Variants in CD4 observed in about 807,000 individuals in gnomAD.
CD4 encodes the protein CD4 molecule.
In CD4, 25 loss-of-function variants were observed where a neutral mutation model predicts 50.5. The observed-to-expected ratio is 0.49, with a 90% CI of 0.36 to 0.69. The LOEUF is 0.69. CD4 is among the 30% of genes least tolerant of loss of function. The probability of loss-of-function intolerance (pLI) is 0.00; values close to 1 mark genes in which losing one functional copy is unlikely to be tolerated. For synonymous variants in CD4, 207 were observed against 221.9 expected, an observed-to-expected ratio of 0.93 and a Z score of 0.60; for missense variants, 456 against 548.5, an observed-to-expected ratio of 0.83 and a Z score of 1.68.
chr12:6,790,222 C>G lies in CD4; in HGVS notation c.-68+560C>G, dbSNP rs116665854. 3.3e-3 allele frequency among the ~76,000 whole-genome samples: 508 copies of G among 152,118 alleles called. 1 individual carries two copies. Among genetic ancestry groups the G allele is most frequent in the Non-Finnish European group, 5.9e-3 (398 of 68,000 alleles). Reference sequence around the variant, plus strand: ...GCAAAACCAATTTTCCTTAACGGGACAATCTCCAAAAATTGACACCAAATA... The same window carrying G: ...GCAAAACCAATTTTCCTTAACGGGAGAATCTCCAAAAATTGACACCAAATA... On this transcript the variant is annotated intron_variant, in intron 1 of 9. Transcript: ENST00000011653.
At position 6,818,050 on chromosome 12, in the gene CD4, A is replaced by C. The variant is rs570989370; in HGVS notation, c.1157-371A>C. Among the ~76,000 whole-genome samples, 49 of 150,712 alleles carry C rather than the reference A, an allele frequency of 3.3e-4. No individual in the cohort carries two copies. In the South Asian group the frequency reaches 9.7e-3, roughly 30 times the overall value. The stretch of plus-strand genomic sequence containing the variant: ...CACGCACACAGGCACACATTCACAC[A>C]CATGCACACACGCACACACATTCAC... On this transcript the variant is annotated intron_variant, in intron 7 of 9. Transcript: ENST00000011653. The surrounding 1 kb of genome is among the most constrained non-coding windows in gnomAD (Gnocchi z 5.0).
At chr12:6,815,057 C>A in intron 5 of CD4, 65 bp downstream of exon 5, 3 of 1,085,660 alleles carry the variant, frequency 2.8e-6, no homozygotes, top group Non-Finnish European at 4.1e-6. Context: ...CCTCCCTCTG[C>A]TCTGACTGCC....
At position 6,793,795 on chromosome 12, in the gene CD4, G is replaced by A. The variant is rs572088817; in HGVS notation, c.-68+4133G>A. On this transcript the variant is annotated intron_variant, in intron 1 of 9. Transcript: ENST00000011653. ...ATCCCAAGTAGCTGAGATTACAGGC[G>A]CCCGCCACCATCCCCAGCTAATTTT... Among the ~76,000 whole-genome samples the A allele has an allele frequency of 1.2e-4, 18 of 149,666 alleles. 1 individual carries two copies. The highest frequency in any genetic ancestry group is 4.2e-4 in the African/African-American group (17 of 40,540).
chr12:6,795,076 GTGTC>G (rs1417230377), intron 1 of CD4, among the ~76,000 whole-genome samples: 2 of 150,406 alleles, frequency 1.3e-5, no homozygotes, highest in Admixed American at 6.7e-5. Context: ...GTGAGCCACT[GTGTC>G]TGTCCCTAAA....
intron 1 of CD4, among the ~76,000 whole-genome samples, chr12:6,789,879 G>T (rs191720614): frequency 6.6e-6 from 1 of 152,202 alleles, no homozygotes; most frequent in Non-Finnish European, 1.5e-5. Context: ...CAGCCCCAGC[G>T]TGCACAGCTC....
chr12:6,795,670 C>A (rs1942354410), intron 1 of CD4, among the ~76,000 whole-genome samples: 1 of 152,224 alleles, frequency 6.6e-6, no homozygotes, highest in Non-Finnish European at 1.5e-5. Context: ...AGTGCTTGCA[C>A]TCTGGATAAG....
chr12:6,817,365 G>A, intron 7 of CD4, 35 bp downstream of exon 7: 1 of 1,533,338 alleles, frequency 6.5e-7, no homozygotes, highest in Non-Finnish European at 8.8e-7. Context: ...CTGCCTCCTG[G>A]GCTGCGGGAC....
At chr12:6,807,139 C>T (rs781881345) in intron 3 of CD4, among the ~76,000 whole-genome samples, 2 of 151,700 alleles carry the variant, frequency 1.3e-5, no homozygotes, top group Non-Finnish European at 2.9e-5. Flanking sequence ...TGCACTCCAA[C>T]CTGGGAGACG....
chr12:6,815,061 G>C, intron 5 of CD4, 69 bp downstream of exon 5: 1 of 1,063,100 alleles, frequency 9.4e-7, no homozygotes, highest in Non-Finnish European at 1.4e-6. Context: ...CCTCTGCTCT[G>C]ACTGCCCTGT....
intron 5 of CD4, among the ~76,000 whole-genome samples, chr12:6,815,509 C>A (rs1196583856): frequency 6.6e-6 from 1 of 152,148 alleles, no homozygotes; most frequent in African/African-American, 2.4e-5. Context: ...CAGTTTAGTG[C>A]ATGTACGCTG....
At chr12:6,801,760 C>T (rs1555115353) in intron 3 of CD4, among the ~76,000 whole-genome samples, 1 of 149,942 alleles carries the variant, frequency 6.7e-6, no homozygotes, top group African/African-American at 2.5e-5. Context: ...CAGAGTTTCA[C>T]GGTGTTAGCC....
chr12:6,799,729 C>A (rs185353058), intron 1 of CD4: 1 of 169,934 alleles, frequency 5.9e-6, no homozygotes, highest in Non-Finnish European at 1.3e-5. Flanking sequence ...GATCCACCCA[C>A]CTCGGCCTCC....
intron 3 of CD4, among the ~76,000 whole-genome samples, chr12:6,806,488 GA>G (rs780965736): frequency 7.3e-5 from 11 of 151,626 alleles, no homozygotes; most frequent in Non-Finnish European, 1.5e-4. Flanking sequence ...CAAAAAAGAA[GA>G]ATAATAAGAA....
At chr12:6,811,161 G>C (rs908299081) in intron 3 of CD4, among the ~76,000 whole-genome samples, 2 of 152,134 alleles carry the variant, frequency 1.3e-5, no homozygotes, top group African/African-American at 4.8e-5. Flanking sequence ...TACCAAGCAG[G>C]GTGAGAGGCT....
Position 6,818,369 on chromosome 12 carries a change from C to T in CD4, c.1157-52C>T. 1 of 1,605,448 alleles carries T rather than the reference C, an allele frequency of 6.2e-7. No individual in the cohort carries two copies. The highest frequency in any genetic ancestry group is 8.5e-7 in the Non-Finnish European group (1 of 1,178,486). The stretch of plus-strand genomic sequence containing the variant: ...AGGGATTGCAGGGCAGTCCTCAGTC[C>T]CCTGGCCCGTGGAGGAGGGCGGTGC... On this transcript the variant is annotated intron_variant, in intron 7 of 9. Coordinates refer to ENST00000011653, the MANE Select transcript of CD4 (RefSeq NM_000616.5). The surrounding 1 kb of genome is among the most constrained non-coding windows in gnomAD (Gnocchi z 5.0).
intron 1 of CD4, among the ~76,000 whole-genome samples, chr12:6,797,968 G>A (rs377612428): frequency 5.9e-5 from 9 of 152,114 alleles, no homozygotes; most frequent in East Asian, 3.9e-4. Flanking sequence ...GACCCTTTAC[G>A]GGTGTCGGGC....
rs781834118 is a variant in CD4 at position 6,818,880 on chromosome 12, C to A, written c.1312C>A (p.Leu438Ile). 6.8e-6 allele frequency: 11 copies of A among 1,612,796 alleles called. No homozygotes were observed. The South Asian group carries it at 1.1e-4, about 16-fold the overall frequency. Residue 438 changes from leucine (L) to isoleucine (I), a missense_variant, in exon 9 of 10, where the codon CTC becomes ATC. Coordinates refer to ENST00000011653, the MANE Select transcript of CD4 (RefSeq NM_000616.5). This position sits in a 1 kb window ranked among gnomAD's most constrained non-coding sequence, Gnocchi z 5.0. ...AGAGCGGATGTCTCAGATCAAGAGACTCCTCAGTGAGAAGAAGACCTGCCA... is the reference window on the plus strand; with the variant it reads ...AGAGCGGATGTCTCAGATCAAGAGAATCCTCAGTGAGAAGAAGACCTGCCA... ...QAERMSQIKR[L>I]LSEKKTCQCP...
At chr12:6,800,554 A>C in intron 3 of CD4, 83 bp downstream of exon 3, 3 of 1,242,754 alleles carry the variant, frequency 2.4e-6, no homozygotes, top group Non-Finnish European at 3.3e-6. Flanking sequence ...GGTCTTAGTT[A>C]AACTCTGGGA....
chr12:6,804,413 A>T (rs1942662847), intron 3 of CD4, among the ~76,000 whole-genome samples: 1 of 152,216 alleles, frequency 6.6e-6, no homozygotes, highest in African/African-American at 2.4e-5. Context: ...TGTGGATGAC[A>T]TGATTACATA....
Sources: gnomAD v4.1 joint callset for allele counts (sites outside exome capture counted in the v4.1 genomes callset) on GRCh38, gnomAD v4.1.1 for gene constraint, Gnocchi (gnomAD v3.1) non-coding constraint, MANE v1.5 for transcripts, NCBI Gene and HGNC (gene_info 2026-07-23, HGNC 2026-07-21) for gene names.